Variants in SHISAL1 observed in about 807,000 individuals in gnomAD.
The protein encoded by SHISAL1 is protein shisa-like-1.
SHISAL1 carries 9 observed loss-of-function variants against 22.6 expected under a neutral mutation model. The ratio of observed to expected loss-of-function variants is 0.40; its 90% CI spans 0.24 to 0.70. The LOEUF (loss-of-function observed/expected upper bound fraction) is 0.70. SHISAL1 is among the 30% of genes least tolerant of loss of function. The pLI is 0.39. For synonymous variants in SHISAL1, 119 were observed against 115.4 expected (o/e 1.03, Z -0.20); for missense variants, 246 against 270.6 (o/e 0.91, Z 0.64).
chr22:44,262,462 C>T (rs111518778), intron 4 of SHISAL1, among the ~76,000 whole-genome samples: 15 of 152,330 alleles, frequency 9.8e-5, no homozygotes, highest in African/African-American at 2.9e-4. Context: ...CTCTTCTGTG[C>T]CGGGCACTGT....
chr22:44,258,620 C>A (rs967103457), intron 4 of SHISAL1, among the ~76,000 whole-genome samples: 8 of 152,134 alleles, frequency 5.3e-5, no homozygotes, highest in African/African-American at 1.9e-4. Flanking sequence ...GCCTCCAGCT[C>A]CATCCATGTC....
At chr22:44,259,924 C>G (rs2055110300) in intron 4 of SHISAL1, among the ~76,000 whole-genome samples, 1 of 152,210 alleles carries the variant, frequency 6.6e-6, no homozygotes, top group South Asian at 2.1e-4. Context: ...GCAAGCATAT[C>G]TAACTACAGG....
chr22:44,279,940 A>T (rs1375616606), intron 4 of SHISAL1, among the ~76,000 whole-genome samples: 2 of 152,306 alleles, frequency 1.3e-5, no homozygotes, highest in African/African-American at 4.8e-5. Flanking sequence ...GATACCCCTT[A>T]AGATCTGAGA....
chr22:44,308,959 T>C (rs2055498370), intron 1 of SHISAL1, among the ~76,000 whole-genome samples: 1 of 152,206 alleles, frequency 6.6e-6, no homozygotes, highest in Non-Finnish European at 1.5e-5. Context: ...TTGCCCAGCA[T>C]TCTGGGTGTG....
intron 4 of SHISAL1, among the ~76,000 whole-genome samples, chr22:44,266,171 G>C (rs995966911): frequency 6.6e-6 from 1 of 152,208 alleles, no homozygotes; most frequent in Non-Finnish European, 1.5e-5. Context: ...TTACTCATCT[G>C]CTACATGTGA....
chr22:44,267,453 C>G (rs1427239903), intron 4 of SHISAL1, among the ~76,000 whole-genome samples: 1 of 151,932 alleles, frequency 6.6e-6, no homozygotes, highest in Non-Finnish European at 1.5e-5. Flanking sequence ...GGACTCCACT[C>G]CCTGGTGCCG....
At position 44,289,496 on chromosome 22, in the gene SHISAL1, T is replaced by TGTGTGTGTGTGTG. The variant is rs768987294; in HGVS notation, c.282-3752_282-3751insCACACACACACAC. 9.2e-3 allele frequency among the ~76,000 whole-genome samples: 1,274 copies of TGTGTGTGTGTGTG among 137,852 alleles called. 10 individuals carry two copies. Among genetic ancestry groups the TGTGTGTGTGTGTG allele is most frequent in the East Asian group, 0.03 (136 of 4,498 alleles). 90.4% of individuals were successfully genotyped at this position (137,852 alleles called of 152,430 possible). ...TGTGTGTGTGTGTGTGTGTGTGTGT[T>TGTGTGTGTGTGTG]TACTGCCGGGCTCCTGGCCTCTGCA... On this transcript the variant is annotated intron_variant, in intron 3 of 4. Transcript: ENST00000381176.
chr22:44,311,531 C>A (rs1199157559), intron 1 of SHISAL1, among the ~76,000 whole-genome samples: 1 of 152,260 alleles, frequency 6.6e-6, no homozygotes, highest in South Asian at 2.1e-4. Flanking sequence ...TTTTGAGCCC[C>A]TGGCCTGGGC....
the SHISAL1 span, among the ~76,000 whole-genome samples, chr22:44,325,234 C>T: frequency 6.8e-6 from 1 of 147,108 alleles, no homozygotes; most frequent in African/African-American, 2.6e-5. Flanking sequence ...CAGAGAGAGA[C>T]TCCGTCTCAA....
intron 4 of SHISAL1, among the ~76,000 whole-genome samples, chr22:44,277,253 C>T (rs2055246319): frequency 6.6e-6 from 1 of 152,148 alleles, no homozygotes. Context: ...CTGCTCCGTG[C>T]CAGGGCCTTT....
chr22:44,269,645 A>C (rs1053591212), intron 4 of SHISAL1, among the ~76,000 whole-genome samples: 18 of 135,604 alleles, frequency 1.3e-4, no homozygotes, highest in Non-Finnish European at 1.9e-4. Flanking sequence ...TGCCACAAAC[A>C]ACACACACAC....
chr22:44,262,341 A>G (rs1395433699), intron 4 of SHISAL1, among the ~76,000 whole-genome samples: 1 of 151,946 alleles, frequency 6.6e-6, no homozygotes, highest in Non-Finnish European at 1.5e-5. Context: ...CAAAGCCTTC[A>G]TCTGCCAGGA....
intron 4 of SHISAL1, among the ~76,000 whole-genome samples, chr22:44,283,713 G>A (rs1433524726): frequency 6.6e-6 from 1 of 152,104 alleles, no homozygotes; most frequent in Non-Finnish European, 1.5e-5. Context: ...GAGTGGGGGA[G>A]GACCACCGTT....
chr22:44,277,802 AGGGT>A (rs1265512980), intron 4 of SHISAL1, among the ~76,000 whole-genome samples: 2 of 152,228 alleles, frequency 1.3e-5, no homozygotes, highest in Non-Finnish European at 2.9e-5. Context: ...CAGCCATTGC[AGGGT>A]GGTTATGAAC....
At chr22:44,303,447 C>A (rs1273598647) in intron 1 of SHISAL1, among the ~76,000 whole-genome samples, 1 of 152,090 alleles carries the variant, frequency 6.6e-6, no homozygotes, top group African/African-American at 2.4e-5. Flanking sequence ...ACAGAAACAC[C>A]TGTGCAGGGA....
chr22:44,289,573 T>G (rs139168600), intron 3 of SHISAL1, among the ~76,000 whole-genome samples: 115 of 151,226 alleles, frequency 7.6e-4, no homozygotes, highest in Non-Finnish European at 1.2e-3. Context: ...TCCCAGCTCA[T>G]CCTCCCTGTC....
At chr22:44,253,832 CTGTGTGTGTGTG>C (rs61001074) in intron 4 of SHISAL1, among the ~76,000 whole-genome samples, 2 of 149,286 alleles carry the variant, frequency 1.3e-5, no homozygotes, top group African/African-American at 4.9e-5. Context: ...AATCTAACAA[CTGTGTGTGTGTG>C]TGTGTGTGTG....
chr22:44,287,458 C>T (rs990293251), intron 3 of SHISAL1, among the ~76,000 whole-genome samples: 5 of 152,216 alleles, frequency 3.3e-5, no homozygotes, highest in African/African-American at 1.2e-4. Flanking sequence ...GTCCTGAGCA[C>T]ATCCCATGAG....
chr22:44,286,983 G>A (rs910432801), intron 3 of SHISAL1, among the ~76,000 whole-genome samples: 2 of 152,226 alleles, frequency 1.3e-5, no homozygotes, highest in South Asian at 2.1e-4. Flanking sequence ...ACACGCCACC[G>A]CTGCACATCC....
Sources: gnomAD v4.1 joint callset for allele counts (sites outside exome capture counted in the v4.1 genomes callset) on GRCh38, gnomAD v4.1.1 for gene constraint, MANE v1.5 for transcripts, NCBI Gene and HGNC (gene_info 2026-07-23, HGNC 2026-07-21) for gene names.